The following HUS1 variants were observed in gnomAD, a reference collection of about 807,000 sequenced individuals.
HUS1 encodes the protein checkpoint protein HUS1.
Under a neutral mutation model 32.6 loss-of-function variants are expected in HUS1, and 31 were observed. The ratio of observed to expected loss-of-function variants is 0.95; its 90% CI spans 0.72 to 1.28. The LOEUF is 1.28. HUS1 is among the 50% of genes most tolerant of loss of function. The pLI is 0.00. For missense variants in HUS1, 340 were observed against 337.7 expected (o/e 1.01, Z -0.05); for synonymous variants, 123 against 116.6 (o/e 1.06, Z -0.36).
chr7:47,968,077 A>G (rs1232556451), intron 6 of HUS1, 152 bp from the exon 7 acceptor site: 1 of 717,946 alleles, frequency 1.4e-6, no homozygotes, highest in Non-Finnish European at 2.2e-6. Flanking sequence ...GTTGTCATTC[A>G]TTAAGCATTA....
chr7:47,969,365 GA>G, intron 5 of HUS1, 47 bp from the exon 6 acceptor site: 1 of 1,065,518 alleles, frequency 9.4e-7, no homozygotes, highest in Non-Finnish European at 1.4e-6. Context: ...AAGCCAAAAG[GA>G]AAAAAACTCC....
At position 47,965,378 on chromosome 7, in the gene HUS1, T is replaced by C; in HGVS notation, c.821A>G (p.Tyr274Cys). 25 of 1,613,238 alleles carry C rather than the reference T, an allele frequency of 1.5e-5. No homozygotes were observed. Among genetic ancestry groups the C allele is most frequent in the Non-Finnish European group, 2.1e-5 (25 of 1,179,238 alleles). ...GTGCTAGGACAGCGCAGGGATGAAA[T>C]ACTGAAGGGACACGTCTTCATGAAG... ...DLLHEDVSLQ[Y>C]FIPALS The change falls in exon 8 of 8, where the codon TAT becomes TGT. Residue 274 changes from tyrosine (Y) to cysteine (C), a missense_variant. Physicochemically the swap from Tyr to Cys is radical, Grantham distance 194 (BLOSUM62 -2). Coordinates refer to ENST00000258774, the MANE Select transcript of HUS1 (RefSeq NM_004507.4).
chr7:47,965,650 G>A (rs1159955360), intron 7 of HUS1, among the ~76,000 whole-genome samples: 1 of 152,190 alleles, frequency 6.6e-6, no homozygotes, highest in Non-Finnish European at 1.5e-5. Flanking sequence ...GCGAGGAGAG[G>A]AAAAGTGAAG....
Position 47,976,800 on chromosome 7 carries a change from T to C in HUS1, c.395A>G (p.Asp132Gly). 1 of 1,613,544 alleles carries C rather than the reference T, an allele frequency of 6.2e-7. No homozygotes were observed. Among genetic ancestry groups the C allele is most frequent in the Non-Finnish European group, 8.5e-7 (1 of 1,179,592 alleles). Residue 132 changes from aspartate (D) to glycine (G), a missense_variant, in exon 4 of 8, where the codon GAC becomes GGC. By Grantham distance (94) the Asp-to-Gly change is moderately conservative (BLOSUM62 -1). Coordinates refer to ENST00000258774, the MANE Select transcript of HUS1 (RefSeq NM_004507.4). Reference protein sequence around the residue: ...MSSSSRIVTHDIPIKVIPRKL... With the variant: ...MSSSSRIVTHGIPIKVIPRKL... ...CCTAGGAATCACCTTTATGGGGATG[T>C]CATGGGTCACAATGCGGCTACTGCT...
intron 5 of HUS1, 47 bp downstream of exon 5, chr7:47,975,566 T>A (rs1788685731): frequency 7.8e-7 from 1 of 1,279,936 alleles, no homozygotes; most frequent in Non-Finnish European, 1.1e-6. Context: ...ACCCACGCCG[T>A]CCCACCAAAT....
chr7:47,977,666 TG>T (rs1788733714), intron 3 of HUS1, among the ~76,000 whole-genome samples: 2 of 152,038 alleles, frequency 1.3e-5, no homozygotes, highest in Non-Finnish European at 2.9e-5. Context: ...CCGAGGTAGG[TG>T]GATCACTTGA....
intron 5 of HUS1, among the ~76,000 whole-genome samples, chr7:47,970,572 C>T (rs923125983): frequency 1.3e-5 from 2 of 152,064 alleles, no homozygotes; most frequent in African/African-American, 4.8e-5. Context: ...CTCTGAGTCC[C>T]AGAAGAAAAA....
intron 4 of HUS1, 90 bp downstream of exon 4, chr7:47,976,640 A>G: frequency 1.3e-6 from 1 of 789,086 alleles, no homozygotes; most frequent in South Asian, 1.5e-5. Context: ...TTTAAAAATA[A>G]AATATACTGC....
rs939919353 is a variant in HUS1 at position 47,976,915 on chromosome 7, C to T, written c.358-78G>A. 2.2e-5 allele frequency: 21 copies of T among 946,984 alleles called. No individual in the cohort carries two copies. The African/African-American group carries it at 3.5e-4, about 16-fold the overall frequency. 58.7% of individuals were successfully genotyped at this position (946,984 alleles called of 1,614,324 possible). A position where few individuals can be genotyped will look rare whatever the true frequency, so the allele number is the denominator to read the frequency against. On this transcript the variant is annotated intron_variant, in intron 3 of 7. Coordinates refer to ENST00000258774, the MANE Select transcript of HUS1 (RefSeq NM_004507.4). Reference sequence around the variant, plus strand: ...ACAAAACAAACCCGAAGACCCGGGACAAAAAAGTTGAAATACCAAATCTAA... The same window carrying T: ...ACAAAACAAACCCGAAGACCCGGGATAAAAAAGTTGAAATACCAAATCTAA...
intron 5 of HUS1, among the ~76,000 whole-genome samples, chr7:47,974,191 G>A (rs1043192437): frequency 2.6e-5 from 4 of 152,214 alleles, no homozygotes; most frequent in Non-Finnish European, 5.9e-5. Context: ...TTTTGTTCCA[G>A]ATCCATGCAA....
At chr7:47,975,540 C>T in intron 5 of HUS1, 73 bp downstream of exon 5, 1 of 936,764 alleles carries the variant, frequency 1.1e-6, no homozygotes, top group Middle Eastern at 2.1e-4. Context: ...TGGACTGCTG[C>T]AGGGTGAGCT....
intron 4 of HUS1, among the ~76,000 whole-genome samples, chr7:47,976,024 A>C (rs529546096): frequency 1.1e-4 from 17 of 152,292 alleles, no homozygotes; most frequent in African/African-American, 3.1e-4. Context: ...AACTCAGGCA[A>C]TCAGCAGGAG....
intron 5 of HUS1, among the ~76,000 whole-genome samples, chr7:47,970,396 A>G (rs1788574806): frequency 6.6e-6 from 1 of 152,150 alleles, no homozygotes; most frequent in Non-Finnish European, 1.5e-5. Flanking sequence ...GAAAAATTTC[A>G]GAAACAGAAA....
intron 1 of HUS1, 113 bp from the exon 2 acceptor site, chr7:47,978,929 T>C: frequency 9.1e-7 from 1 of 1,095,868 alleles, no homozygotes; most frequent in Middle Eastern, 2.4e-4. Flanking sequence ...AAATAACCAC[T>C]TAACGTTGGT....
rs1043030680 is a variant in HUS1, at chr7:47,963,876, C to T, written c.*1480G>A. On this transcript the variant is annotated 3_prime_UTR_variant, in exon 8 of 8. Coordinates refer to ENST00000258774, the MANE Select transcript of HUS1 (RefSeq NM_004507.4). ...AGCCAAGATCGCGCCACTAGCACTC[C>T]AGACTGGCGACAGAGTGAGACTCCG... The T allele has an allele frequency of 6.6e-5, 10 of 151,456 alleles. No individual in the cohort carries two copies. The highest frequency in any genetic ancestry group is 2.2e-4 in the African/African-American group (9 of 41,184). The allele number at this position is 151,456 out of a possible 1,614,324, so 9.4% of individuals were successfully genotyped here.
At chr7:47,965,730 T>A (rs1169658117) in intron 7 of HUS1, among the ~76,000 whole-genome samples, 1 of 152,026 alleles carries the variant, frequency 6.6e-6, no homozygotes, top group Non-Finnish European at 1.5e-5. Context: ...CACATGAGCA[T>A]CCTTCTGCAG....
chr7:47,976,797 A>T lies in HUS1; in HGVS notation c.398T>A (p.Ile133Asn), dbSNP rs374782041. The T allele has an allele frequency of 2.8e-5, 45 of 1,613,476 alleles. No homozygotes were observed. Among genetic ancestry groups the T allele is most frequent in the East Asian group, 1.1e-4 (5 of 44,860 alleles). The change falls in exon 4 of 8, where the codon ATC becomes AAC. Residue 133 changes from isoleucine to asparagine, a missense_variant. Transcript: ENST00000258774. Reference protein sequence around the residue: ...SSSSRIVTHDIPIKVIPRKLW... With the variant: ...SSSSRIVTHDNPIKVIPRKLW... The stretch of plus-strand genomic sequence containing the variant: ...TTTCCTAGGAATCACCTTTATGGGG[A>T]TGTCATGGGTCACAATGCGGCTACT...
chr7:47,979,562 GA>G lies in HUS1; in HGVS notation c.-44del. The G allele has an allele frequency of 6.6e-7, 1 of 1,510,500 alleles. No homozygotes were observed. The allele number at this position is 1,510,500 out of a possible 1,614,324, so 93.6% of individuals were successfully genotyped here. A position where few individuals can be genotyped will look rare whatever the true frequency, so the allele number is the denominator to read the frequency against. On this transcript the variant is annotated 5_prime_UTR_variant, in exon 1 of 8. Transcript: ENST00000258774. ...CCGCGGCGGGCCTCTGTGGGTAACA[GA>G]AAAGCGTCGCGCCCTGAGTGTCCCC...
intron 1 of HUS1, 84 bp downstream of exon 1, chr7:47,979,384 T>G: frequency 7.3e-7 from 1 of 1,378,092 alleles, no homozygotes; most frequent in Non-Finnish European, 9.7e-7. Context: ...CCCATCCCCG[T>G]TCTGATCCTC....
Sources: gnomAD v4.1 joint callset for allele counts (sites outside exome capture counted in the v4.1 genomes callset) on GRCh38, gnomAD v4.1.1 for gene constraint, MANE v1.5 for transcripts, NCBI Gene and HGNC (gene_info 2026-07-23, HGNC 2026-07-21) for gene names.